UBE2E3: variants seen among roughly 807,000 people sequenced by gnomAD.
UBE2E3 encodes the protein ubiquitin-conjugating enzyme E2 E3.
A neutral mutation model predicts 23.6 loss-of-function variants in UBE2E3; 5 were observed. That is an observed-to-expected ratio of 0.21 (90% CI 0.11 to 0.44). The LOEUF is 0.44. Ranked by LOEUF, UBE2E3 falls within the 20% of genes least tolerant of loss-of-function variation. UBE2E3 has a pLI of 0.99. For synonymous variants in UBE2E3, 78 were observed against 87.5 expected (o/e 0.89, Z 0.60); for missense variants, 81 against 249.8 (o/e 0.32, Z 4.55).
chr2:181,024,669 A>G (rs1685822297), intron 3 of UBE2E3, among the ~76,000 whole-genome samples: 1 of 152,078 alleles, frequency 6.6e-6, no homozygotes, highest in Non-Finnish European at 1.5e-5. Flanking sequence ...TAAACATACA[A>G]TAAAGCTGAA....
At chr2:180,990,935 A>G (rs565531224) in intron 3 of UBE2E3, among the ~76,000 whole-genome samples, 1 of 152,306 alleles carries the variant, frequency 6.6e-6, no homozygotes, top group South Asian at 2.1e-4. Flanking sequence ...CAGAATGCAG[A>G]AAGTTTCATG....
At chr2:181,032,699 G>A (rs1354796152) in intron 3 of UBE2E3, among the ~76,000 whole-genome samples, 3 of 152,122 alleles carry the variant, frequency 2.0e-5, no homozygotes, top group African/African-American at 7.2e-5. Context: ...TTGCAAAAAT[G>A]TAATTATTAA....
upstream of UBE2E3, chr2:180,980,566 G>T (rs1159083300): frequency 6.8e-6 from 1 of 148,146 alleles, no homozygotes; most frequent in Non-Finnish European, 1.5e-5. The surrounding 1 kb of genome is among the most constrained non-coding windows in gnomAD (Gnocchi z 5.5). Flanking sequence ...GAGCACGCGC[G>T]TCGCCGCCGC....
chr2:181,050,960 T>G (rs1046669247), intron 3 of UBE2E3, among the ~76,000 whole-genome samples: 3 of 151,878 alleles, frequency 2.0e-5, no homozygotes, highest in Non-Finnish European at 2.9e-5. Flanking sequence ...AATCCTTTCA[T>G]GTATTCTAGC....
At chr2:181,030,737 A>G (rs958603501) in intron 3 of UBE2E3, among the ~76,000 whole-genome samples, 3 of 141,550 alleles carry the variant, frequency 2.1e-5, no homozygotes, top group Non-Finnish European at 4.8e-5. Context: ...AATTAACTAC[A>G]AGTCCCATCT....
At chr2:180,981,263 C>G (rs1405854643) in intron 1 of UBE2E3, 1 of 151,810 alleles carries the variant, frequency 6.6e-6, no homozygotes, top group African/African-American at 2.4e-5. Flanking sequence ...CTTCTTGGGG[C>G]TTTGTTTATT....
At chr2:181,059,691 A>G (rs1032637026) in intron 4 of UBE2E3, among the ~76,000 whole-genome samples, 4 of 151,666 alleles carry the variant, frequency 2.6e-5, no homozygotes, top group African/African-American at 7.3e-5. Flanking sequence ...TAAGAGCTGT[A>G]TATGCACATG....
At chr2:180,999,354 T>C (rs1350793430) in intron 3 of UBE2E3, among the ~76,000 whole-genome samples, 2 of 152,202 alleles carry the variant, frequency 1.3e-5, no homozygotes, top group African/African-American at 4.8e-5. Flanking sequence ...AGCCTTTTGG[T>C]TGTTTCCACC....
intron 3 of UBE2E3, among the ~76,000 whole-genome samples, chr2:181,004,785 G>GA (rs1685095562): frequency 2.0e-5 from 3 of 152,304 alleles, no homozygotes; most frequent in South Asian, 4.1e-4. Flanking sequence ...CCTATATTGT[G>GA]AAAAAAGTAA....
intron 3 of UBE2E3, among the ~76,000 whole-genome samples, chr2:181,046,091 G>A (rs1686666145): frequency 6.6e-6 from 1 of 152,072 alleles, no homozygotes; most frequent in Non-Finnish European, 1.5e-5. Flanking sequence ...ACTAGTGCCT[G>A]GCACATGGTA....
chr2:181,026,001 A>T (rs982314132), intron 3 of UBE2E3, among the ~76,000 whole-genome samples: 2 of 151,952 alleles, frequency 1.3e-5, no homozygotes, highest in Non-Finnish European at 2.9e-5. Flanking sequence ...ACATACGTTA[A>T]ATGTTGAGTA....
chr2:181,011,846 G>A (rs1392705573), intron 3 of UBE2E3, among the ~76,000 whole-genome samples: 1 of 152,110 alleles, frequency 6.6e-6, no homozygotes, highest in East Asian at 1.9e-4. Context: ...CAAATGATAA[G>A]GATGGACTGT....
intron 3 of UBE2E3, among the ~76,000 whole-genome samples, chr2:180,988,423 T>A (rs747850110): frequency 2.0e-5 from 3 of 152,160 alleles, no homozygotes. Flanking sequence ...AAATATTGTA[T>A]TCCTTTTAAA....
At chr2:180,982,992 C>G (rs1025405179) in intron 2 of UBE2E3, among the ~76,000 whole-genome samples, 1 of 152,046 alleles carries the variant, frequency 6.6e-6, no homozygotes, top group Non-Finnish European at 1.5e-5. Context: ...TCATTTGTTT[C>G]CTATTGATTG....
At chr2:181,005,683 T>C (rs890683738) in intron 3 of UBE2E3, among the ~76,000 whole-genome samples, 4 of 152,342 alleles carry the variant, frequency 2.6e-5, no homozygotes, top group Admixed American at 1.3e-4. Flanking sequence ...TTTCCTGTTA[T>C]CTATTGAATA....
chr2:181,002,705 A>G lies in UBE2E3; in HGVS notation c.245+18612A>G, dbSNP rs577221247. ...TACAGTGTTTTTGAAATGTAGTGTTAAAATATACACCACCTTTTAAGGACT... is the reference window on the plus strand; with the variant it reads ...TACAGTGTTTTTGAAATGTAGTGTTGAAATATACACCACCTTTTAAGGACT... On this transcript the variant is annotated intron_variant, in intron 3 of 5. Coordinates refer to ENST00000410062, the MANE Select transcript of UBE2E3 (RefSeq NM_006357.4). 9.2e-5 allele frequency among the ~76,000 whole-genome samples: 14 copies of G among 152,368 alleles called. No individual in the cohort carries two copies. The East Asian group carries it at 2.7e-3, about 29-fold the overall frequency.
intron 3 of UBE2E3, among the ~76,000 whole-genome samples, chr2:181,010,612 G>T (rs1559120241): frequency 6.6e-6 from 1 of 152,086 alleles, no homozygotes; most frequent in Non-Finnish European, 1.5e-5. Context: ...GAAAATAGTA[G>T]ATAGCAGAAT....
chr2:181,024,700 T>C (rs544219603), intron 3 of UBE2E3, among the ~76,000 whole-genome samples: 3 of 152,108 alleles, frequency 2.0e-5, no homozygotes, highest in Admixed American at 6.6e-5. Context: ...ACTACTTATA[T>C]GCTCATCATC....
intron 3 of UBE2E3, among the ~76,000 whole-genome samples, chr2:181,002,955 G>C (rs1217817300): frequency 6.6e-6 from 1 of 152,210 alleles, no homozygotes; most frequent in African/African-American, 2.4e-5. Flanking sequence ...TCAACACCCG[G>C]TACAAAAATG....
Sources: allele counts gnomAD v4.1 joint callset (sites outside exome capture counted in the v4.1 genomes callset), GRCh38; gene constraint gnomAD v4.1.1; non-coding constraint Gnocchi (gnomAD v3.1); transcripts MANE v1.5; gene names NCBI Gene and HGNC (gene_info 2026-07-23, HGNC 2026-07-21).